BIRC6: variants seen among roughly 807,000 people sequenced by gnomAD.
The protein encoded by BIRC6 is dual E2 ubiquitin-conjugating enzyme/E3 ubiquitin-protein ligase BIRC6.
A neutral mutation model predicts 503.3 loss-of-function variants in BIRC6; 98 were observed. That is an observed-to-expected ratio of 0.19 (90% CI 0.17 to 0.23). The LOEUF (loss-of-function observed/expected upper bound fraction) is 0.23. Among genes scored for constraint, BIRC6 ranks in the 10% least tolerant of loss-of-function variants. The probability of loss-of-function intolerance (pLI) is 1.00; values close to 1 mark genes in which losing one functional copy is unlikely to be tolerated. For missense variants in BIRC6, 5,360 were observed against 5,806.0 expected (o/e 0.92, Z 2.50); for synonymous variants, 2,240 against 2,078.7 (o/e 1.08, Z -2.11).
chr2:32,359,992 T>C (rs1193968276), intron 1 of BIRC6, among the ~76,000 whole-genome samples: 1 of 152,162 alleles, frequency 6.6e-6, no homozygotes, highest in Non-Finnish European at 1.5e-5. Context: ...ATTTAGTAAG[T>C]TTGCTTTTAA....
rs1299466015 is a variant in BIRC6, at chr2:32,393,578, C to A, written c.951+1428C>A. Among the ~76,000 whole-genome samples the A allele has an allele frequency of 3.9e-5, 6 of 152,286 alleles. No individual in the cohort carries two copies. In the East Asian group the frequency reaches 1.2e-3, roughly 29 times the overall value. ...CCAAGTTGGAGTGCAGTGGCATGATCACAGCTCACTGTGCCACAGCTCACT... is the reference window on the plus strand; with the variant it reads ...CCAAGTTGGAGTGCAGTGGCATGATAACAGCTCACTGTGCCACAGCTCACT... On this transcript the variant is annotated intron_variant, in intron 5 of 73. Transcript: ENST00000421745.
intron 3 of BIRC6, among the ~76,000 whole-genome samples, chr2:32,383,784 G>T (rs1004434632): frequency 6.6e-6 from 1 of 152,112 alleles, no homozygotes; most frequent in African/African-American, 2.4e-5. Context: ...CAACCGTCTT[G>T]GCCTCCCAAA....
At chr2:32,463,490 T>G in intron 24 of BIRC6, 109 bp downstream of exon 24, 1 of 1,102,194 alleles carries the variant, frequency 9.1e-7, no homozygotes, top group African/African-American at 1.6e-5. Context: ...TTGACTGATC[T>G]GAGCTAATCA....
At chr2:32,578,534 G>A (rs767268274) in intron 66 of BIRC6, among the ~76,000 whole-genome samples, 5 of 151,966 alleles carry the variant, frequency 3.3e-5, no homozygotes, top group Non-Finnish European at 7.4e-5. Context: ...AGTGGCTCAC[G>A]GCTGTAATCC....
chr2:32,501,442 A>G (rs1305781755), intron 46 of BIRC6, among the ~76,000 whole-genome samples: 2 of 152,192 alleles, frequency 1.3e-5, no homozygotes, highest in Non-Finnish European at 2.9e-5. Context: ...TGTCATTGAT[A>G]TTTTAATCTC....
In BIRC6 at chr2:32,531,546, C is replaced by G; in HGVS notation, c.12286C>G (p.Gln4096Glu). The G allele has an allele frequency of 2.5e-6, 4 of 1,608,432 alleles. No individual in the cohort carries two copies. The highest frequency in any genetic ancestry group is 3.4e-6 in the Non-Finnish European group (4 of 1,176,826). Reference protein sequence around the residue: ...RLPMLYPEVIQQVSAPVVTST... With the variant: ...RLPMLYPEVIEQVSAPVVTST... ...ACCCATGCTATATCCAGAAGTAATT[C>G]AACAGGTAAGATAAGATTTCCTAAT... Residue 4096 changes from glutamine (Q) to glutamate (E), a missense_variant, in exon 61 of 74, where the codon CAA becomes GAA. By Grantham distance (29) the Gln-to-Glu change is conservative. Transcript: ENST00000421745.
At chr2:32,604,973 C>T (rs1417221922) in intron 71 of BIRC6, among the ~76,000 whole-genome samples, 2 of 150,004 alleles carry the variant, frequency 1.3e-5, no homozygotes, top group Non-Finnish European at 3.0e-5. Context: ...ACCTCTGCGT[C>T]TCGGGTTCAA....
intron 10 of BIRC6, among the ~76,000 whole-genome samples, chr2:32,427,478 G>C (rs2043648386): frequency 6.6e-6 from 1 of 151,954 alleles, no homozygotes; most frequent in Non-Finnish European, 1.5e-5. Context: ...TAGAGATGGG[G>C]TTTCACCATG....
At chr2:32,457,741 T>C (rs554082430) in intron 23 of BIRC6, among the ~76,000 whole-genome samples, 25 of 152,248 alleles carry the variant, frequency 1.6e-4, no homozygotes, top group African/African-American at 5.8e-4. Context: ...GTCTGAAAAA[T>C]ACTCTTAAGA....
intron 6 of BIRC6, 104 bp downstream of exon 6, chr2:32,395,697 A>G (rs2149634684): frequency 1.0e-6 from 1 of 955,636 alleles, no homozygotes; most frequent in South Asian, 1.4e-5. Context: ...CCTTTTTGCC[A>G]CCTATATTTT....
At chr2:32,401,757 T>C in intron 8 of BIRC6, 134 bp downstream of exon 8, 1 of 745,176 alleles carries the variant, frequency 1.3e-6, no homozygotes. Flanking sequence ...AAATGTTTGG[T>C]TAGAAATCTG....
At chr2:32,596,953 T>G (rs1189088804) in intron 68 of BIRC6, among the ~76,000 whole-genome samples, 1 of 152,240 alleles carries the variant, frequency 6.6e-6, no homozygotes, top group African/African-American at 2.4e-5. Flanking sequence ...TCATTAATGT[T>G]AGCTAGCTAG....
At chr2:32,556,237 A>C (rs2150545251) in intron 65 of BIRC6, among the ~76,000 whole-genome samples, 1 of 152,352 alleles carries the variant, frequency 6.6e-6, no homozygotes, top group South Asian at 2.1e-4. Flanking sequence ...GTGTTAAATA[A>C]TTATGACTGG....
intron 71 of BIRC6, 83 bp from the exon 72 acceptor site, chr2:32,607,372 G>A (rs188846711): frequency 1.1e-6 from 1 of 921,930 alleles, no homozygotes; most frequent in Admixed American, 2.8e-5. Flanking sequence ...TATTAAAGAA[G>A]AGTCTTTGTG....
At chr2:32,423,372 C>G (rs2043141892) in intron 10 of BIRC6, among the ~76,000 whole-genome samples, 1 of 152,014 alleles carries the variant, frequency 6.6e-6, no homozygotes. Flanking sequence ...GTAATACATT[C>G]ACAATGTTGT....
chr2:32,438,555 G>GTTCTTTTT, intron 15 of BIRC6, among the ~76,000 whole-genome samples: 1 of 143,656 alleles, frequency 7.0e-6, no homozygotes, highest in South Asian at 2.2e-4. Flanking sequence ...TTATTTGAGT[G>GTTCTTTTT]TTCTTTTTTT....
In BIRC6 at chr2:32,518,345, A is replaced by T. The variant is rs1445431819; in HGVS notation, c.11441A>T (p.Gln3814Leu). ...GGGTTTATACGAAGATTATTTTTACAGTTGATGCTGGAAGATGAGAAAGTG... is the reference window on the plus strand; with the variant it reads ...GGGTTTATACGAAGATTATTTTTACTGTTGATGCTGGAAGATGAGAAAGTG... ...ISGFIRRLFL[Q>L]LMLEDEKVTM... is the part of the protein sequence containing the mutation. Residue 3814 changes from glutamine to leucine, a missense_variant, in exon 56 of 74, where the codon CAG becomes CTG. Gln to Leu is a moderately radical substitution (Grantham distance 113). Coordinates refer to ENST00000421745, the MANE Select transcript of BIRC6 (RefSeq NM_016252.4). 6.2e-7 allele frequency: 1 copy of T among 1,608,178 alleles called. No individual in the cohort carries two copies. Among genetic ancestry groups the T allele is most frequent in the Admixed American group, 1.7e-5 (1 of 58,370 alleles).
intron 11 of BIRC6, among the ~76,000 whole-genome samples, chr2:32,429,807 T>C (rs543300014): frequency 5.1e-4 from 77 of 152,170 alleles, no homozygotes; most frequent in Non-Finnish European, 1.0e-3. Flanking sequence ...TTGTAGACTT[T>C]TATGAAATCA....
At position 32,463,175 on chromosome 2, in the gene BIRC6, AC is replaced by A. The variant is rs765409081; in HGVS notation, c.4754-15del. The A allele has an allele frequency of 1.9e-6, 3 of 1,571,090 alleles. No homozygotes were observed. The East Asian group carries it at 6.8e-5, about 36-fold the overall frequency. On this transcript the variant is annotated intron_variant, in intron 23 of 73. Coordinates refer to ENST00000421745, the MANE Select transcript of BIRC6 (RefSeq NM_016252.4). ...CCTGGTGTTTTTTGTTTTTGTTTTT[AC>A]CCCTTGTCTTATGCCAGTGAGTTCC...
Sources: gnomAD v4.1 joint callset for allele counts (sites outside exome capture counted in the v4.1 genomes callset) on GRCh38, gnomAD v4.1.1 for gene constraint, MANE v1.5 for transcripts, NCBI Gene and HGNC (gene_info 2026-07-23, HGNC 2026-07-21) for gene names.